The following PCBP3 variants were observed in gnomAD, a reference collection of about 807,000 sequenced individuals.
PCBP3 encodes poly(rC) binding protein 3.
In PCBP3, 25 loss-of-function variants were observed where a neutral mutation model predicts 52.7. The observed-to-expected ratio is 0.47, with a 90% CI of 0.35 to 0.66. PCBP3 has a LOEUF of 0.66. Ranked by LOEUF, PCBP3 falls within the 30% of genes least tolerant of loss-of-function variation. The pLI, the probability that PCBP3 is intolerant of heterozygous loss-of-function variation, is 0.01. For synonymous variants in PCBP3, 162 were observed against 183.0 expected, an observed-to-expected ratio of 0.89 and a Z score of 0.93; for missense variants, 391 against 490.3, an observed-to-expected ratio of 0.80 and a Z score of 1.91.
rs2096087577 is a variant in PCBP3 at position 45,902,569 on chromosome 21, CA to C, written c.339+1457del. On this transcript the variant is annotated intron_variant, in intron 9 of 17. Coordinates refer to ENST00000681687, the MANE Select transcript of PCBP3 (RefSeq NM_001384156.1). ...CTGATGGGAGACTGATGGAATACAG[CA>C]GACCAGCATCATGACACCAAAACAG... is the stretch of plus-strand genomic sequence containing the variant. Among the ~76,000 whole-genome samples, 3 of 152,320 alleles carry C rather than the reference CA, an allele frequency of 2.0e-5. No homozygotes were observed. In the South Asian group the frequency reaches 6.2e-4, roughly 32 times the overall value.
At chr21:45,852,387 A>G (rs1849124167) in intron 5 of PCBP3, among the ~76,000 whole-genome samples, 1 of 129,432 alleles carries the variant, frequency 7.7e-6, no homozygotes, top group South Asian at 2.8e-4. Context: ...ACAGCCCTGT[A>G]GCCACCCTGA....
intron 2 of PCBP3, among the ~76,000 whole-genome samples, chr21:45,684,263 C>T (rs2082026177): frequency 6.6e-6 from 1 of 151,870 alleles, no homozygotes; most frequent in Non-Finnish European, 1.5e-5. Flanking sequence ...GTAATAAGGT[C>T]CTGTGGAAGT....
At chr21:45,768,271 C>A (rs776214615) in intron 4 of PCBP3, among the ~76,000 whole-genome samples, 3 of 152,240 alleles carry the variant, frequency 2.0e-5, no homozygotes, top group African/African-American at 7.2e-5. Flanking sequence ...GCCACCCTCA[C>A]GTTTCTCAGC....
chr21:45,645,151 T>G (rs1264139092), intron 1 of PCBP3, among the ~76,000 whole-genome samples: 1 of 152,228 alleles, frequency 6.6e-6, no homozygotes, highest in African/African-American at 2.4e-5. Context: ...TCTGGTGTTT[T>G]CAGGCTTGGA....
At chr21:45,686,510 CT>C (rs1164480629) in intron 2 of PCBP3, among the ~76,000 whole-genome samples, 1 of 152,142 alleles carries the variant, frequency 6.6e-6, no homozygotes, top group Non-Finnish European at 1.5e-5. Context: ...TTCACAGTGT[CT>C]ACAGTCATCT....
At chr21:45,930,607 C>G (rs1464625547) in intron 14 of PCBP3, among the ~76,000 whole-genome samples, 179 bp from the exon 15 acceptor site, 2 of 152,148 alleles carry the variant, frequency 1.3e-5, no homozygotes, top group Non-Finnish European at 1.5e-5. Flanking sequence ...CCCCCCTCTC[C>G]CCCTGGCGTG....
chr21:45,795,690 T>G (rs2091889451), intron 4 of PCBP3, among the ~76,000 whole-genome samples: 1 of 152,094 alleles, frequency 6.6e-6, no homozygotes, highest in South Asian at 2.1e-4. Flanking sequence ...AGAGAAAGAC[T>G]TAAAACCAAT....
chr21:45,714,660 A>G (rs1178971591), intron 2 of PCBP3, among the ~76,000 whole-genome samples: 1 of 152,268 alleles, frequency 6.6e-6, no homozygotes, highest in Non-Finnish European at 1.5e-5. Context: ...TAAGTATATG[A>G]AAACTTCATT....
At chr21:45,825,327 TCTGTGGAGCCTGGCCCTCCTCC>T (rs2093277887) in intron 4 of PCBP3, among the ~76,000 whole-genome samples, 1 of 152,220 alleles carries the variant, frequency 6.6e-6, no homozygotes, top group African/African-American at 2.4e-5. Flanking sequence ...GCATGGCTGC[TCTGTGGAGCCTGGCCCTCCTCC>T]CTGATCGTCA....
At chr21:45,826,635 GGAA>G (rs1199724986) in intron 4 of PCBP3, among the ~76,000 whole-genome samples, 2 of 152,184 alleles carry the variant, frequency 1.3e-5, no homozygotes, top group Non-Finnish European at 2.9e-5. Flanking sequence ...CTGAAAGGTG[GGAA>G]GAAGAAGGCC....
chr21:45,718,259 C>G (rs2084365046), intron 2 of PCBP3, among the ~76,000 whole-genome samples: 1 of 147,546 alleles, frequency 6.8e-6, no homozygotes, highest in Admixed American at 6.8e-5. Context: ...TTGATCTTTT[C>G]AAGAAACTAA....
intron 4 of PCBP3, among the ~76,000 whole-genome samples, chr21:45,784,510 A>G (rs1190432486): frequency 6.6e-6 from 1 of 151,832 alleles, no homozygotes; most frequent in African/African-American, 2.4e-5. Flanking sequence ...TCTGATGCCG[A>G]GCCGAAGCTG....
chr21:45,941,711 AC>A lies in PCBP3; in HGVS notation c.*8del. ...ACCGGGATGGGCACGCTGTAATCCT[AC>A]CCAGCACCCTTCCCCCGCGTCACCC... On this transcript the variant is annotated 3_prime_UTR_variant, in exon 18 of 18. Coordinates refer to ENST00000681687, the MANE Select transcript of PCBP3 (RefSeq NM_001384156.1). 1 of 1,601,882 alleles carries A rather than the reference AC, an allele frequency of 6.2e-7. No individual in the cohort carries two copies. The highest frequency in any genetic ancestry group is 8.5e-7 in the Non-Finnish European group (1 of 1,174,026).
intron 5 of PCBP3, among the ~76,000 whole-genome samples, chr21:45,895,621 G>A (rs1274132037): frequency 6.6e-6 from 1 of 152,250 alleles, no homozygotes; most frequent in Non-Finnish European, 1.5e-5. Context: ...CACGATGACT[G>A]CAGACAGCAC....
intron 5 of PCBP3, among the ~76,000 whole-genome samples, chr21:45,876,858 T>C (rs980387719): frequency 6.6e-6 from 1 of 152,216 alleles, no homozygotes; most frequent in African/African-American, 2.4e-5. Context: ...AACGGGGGTA[T>C]GGCCAGAGCC....
intron 4 of PCBP3, among the ~76,000 whole-genome samples, chr21:45,812,349 G>A (rs1440377488): frequency 6.6e-6 from 1 of 152,090 alleles, no homozygotes. Context: ...TCTTTCTCAC[G>A]GATCTGAGTT....
At position 45,929,964 on chromosome 21, in the gene PCBP3, T is replaced by C. The variant is rs764442474; in HGVS notation, c.765T>C (p.Pro255=). ...TGGCCATGCAGCAAACCCCCTTTCC[T>C]CCCCTCGGACAGACCAACCCCGCTT... is the stretch of plus-strand genomic sequence containing the variant. ...HQLAMQQTPF[P]PLGQTNPAFP... is the part of the protein sequence containing the mutation. The change falls in exon 14 of 18, where the codon CCT becomes CCC. Residue 255 remains proline (P), a synonymous_variant. Coordinates refer to ENST00000681687, the MANE Select transcript of PCBP3 (RefSeq NM_001384156.1). 6.2e-7 allele frequency: 1 copy of C among 1,613,666 alleles called. No individual in the cohort carries two copies. The highest frequency in any genetic ancestry group is 2.2e-5 in the East Asian group (1 of 44,858).
intron 15 of PCBP3, among the ~76,000 whole-genome samples, chr21:45,934,506 C>T (rs1441324108): frequency 6.6e-6 from 1 of 152,200 alleles, no homozygotes; most frequent in African/African-American, 2.4e-5. Flanking sequence ...CATATTGTCA[C>T]TCTTCAACAA....
At chr21:45,888,551 C>T (rs2095576300) in intron 5 of PCBP3, among the ~76,000 whole-genome samples, 1 of 152,230 alleles carries the variant, frequency 6.6e-6, no homozygotes, top group Non-Finnish European at 1.5e-5. Context: ...TTCCCCACGG[C>T]AGATGCCTGC....
Sources: allele counts gnomAD v4.1 joint callset (sites outside exome capture counted in the v4.1 genomes callset), GRCh38; gene constraint gnomAD v4.1.1; transcripts MANE v1.5; gene names NCBI Gene and HGNC (gene_info 2026-07-23, HGNC 2026-07-21).